Variants in XIRP2 observed in about 807,000 individuals in gnomAD.
XIRP2 encodes xin actin-binding repeat-containing protein 2.
Under a neutral mutation model 277.0 loss-of-function variants are expected in XIRP2, and 236 were observed. That is an observed-to-expected ratio of 0.85 (90% confidence interval 0.77 to 0.95). The LOEUF is 0.95. Among genes scored for constraint, XIRP2 ranks in the 40% least tolerant of loss-of-function variants. The pLI is 0.00. For synonymous variants in XIRP2, 1,490 were observed against 1,416.5 expected (o/e 1.05, Z -1.17); for missense variants, 4,640 against 4,157.5 (o/e 1.12, Z -3.19).
rs755538698 is a variant in XIRP2 at position 167,243,687 on chromosome 2, A to G, written c.2295A>G (p.Gly765=). 12 of 1,613,954 alleles carry G rather than the reference A, an allele frequency of 7.4e-6. No homozygotes were observed. Among genetic ancestry groups the G allele is most frequent in the East Asian group, 2.2e-5 (1 of 44,874 alleles). Residue 765 remains glycine (G), a synonymous_variant, in exon 9 of 11, where the codon GGA becomes GGG. Transcript: ENST00000409195. ...TTCACAGAGAAGACGTTGAAAAGGG[A>G]GATGTAAGAACAGCACGGTGGATGT... The part of the protein sequence containing the change: ...KTVHREDVEK[G]DVRTARWMFE...
intron 2 of XIRP2, among the ~76,000 whole-genome samples, chr2:167,034,541 A>G (rs1196853218): frequency 6.6e-6 from 1 of 152,074 alleles, no homozygotes; most frequent in African/African-American, 2.4e-5. Flanking sequence ...GTTGCCTTCA[A>G]GAAACATACT....
chr2:166,950,567 G>A (rs1032910134), intron 2 of XIRP2, among the ~76,000 whole-genome samples: 3 of 152,008 alleles, frequency 2.0e-5, no homozygotes, highest in Non-Finnish European at 4.4e-5. Flanking sequence ...AATCTAAATT[G>A]TATTAAAATA....
intron 3 of XIRP2, among the ~76,000 whole-genome samples, chr2:167,204,457 C>A (rs550224699): frequency 2.6e-4 from 39 of 152,250 alleles, no homozygotes; most frequent in African/African-American, 8.4e-4. Context: ...TGTCACAGAG[C>A]CTGGGGCCAG....
At chr2:167,095,286 C>T (rs1690268866) in intron 2 of XIRP2, among the ~76,000 whole-genome samples, 1 of 152,144 alleles carries the variant, frequency 6.6e-6, no homozygotes, top group South Asian at 2.1e-4. Flanking sequence ...TCCTCTCCTC[C>T]TATTTGAATA....
intron 2 of XIRP2, among the ~76,000 whole-genome samples, chr2:167,083,269 T>C (rs1235067601): frequency 1.3e-5 from 2 of 151,332 alleles, no homozygotes; most frequent in East Asian, 1.9e-4. Context: ...TGCGGCATTA[T>C]TTCTGAGGGC....
At chr2:167,029,645 AGGTATATT>A (rs2105501613) in intron 2 of XIRP2, among the ~76,000 whole-genome samples, 2 of 152,230 alleles carry the variant, frequency 1.3e-5, no homozygotes, top group South Asian at 4.1e-4. Context: ...GACGTTCATC[AGGTATATT>A]GGCGTGAAAT....
intron 1 of XIRP2, among the ~76,000 whole-genome samples, chr2:166,890,629 C>G (rs1684078131): frequency 6.6e-6 from 1 of 152,034 alleles, no homozygotes; most frequent in African/African-American, 2.4e-5. Flanking sequence ...TTCATGAGAG[C>G]AAATTTTGCA....
intron 9 of XIRP2, among the ~76,000 whole-genome samples, chr2:167,253,335 G>C (rs537583687): frequency 6.6e-6 from 1 of 151,828 alleles, no homozygotes; most frequent in Non-Finnish European, 1.5e-5. Context: ...AGCAAGAAAA[G>C]ATGTAGGAAA....
rs1695364791 is a variant in XIRP2 at position 167,248,673 on chromosome 2, C to G, written c.7281C>G (p.Pro2427=). ...TGCCACCTCCCACATTGCCCAAACC[C>G]AAACTTCCCAAGCATATAAAAGATA... ...GVLPPPTLPK[P]KLPKHIKDNK... Residue 2427 remains proline (P), a synonymous_variant, in exon 9 of 11, where the codon CCC becomes CCG. Transcript: ENST00000409195. 6.2e-7 allele frequency: 1 copy of G among 1,613,748 alleles called. No homozygotes were observed. Among genetic ancestry groups the G allele is most frequent in the Non-Finnish European group, 8.5e-7 (1 of 1,179,830 alleles).
chr2:167,212,741 A>G (rs1262389982), intron 4 of XIRP2, among the ~76,000 whole-genome samples: 1 of 152,226 alleles, frequency 6.6e-6, no homozygotes, highest in Non-Finnish European at 1.5e-5. Flanking sequence ...GGCCCCCAAA[A>G]TACATATTAT....
At chr2:167,205,460 C>T (rs1325506698) in intron 3 of XIRP2, among the ~76,000 whole-genome samples, 1 of 152,068 alleles carries the variant, frequency 6.6e-6, no homozygotes, top group Non-Finnish European at 1.5e-5. Flanking sequence ...CTATTATTTT[C>T]CCATAAAGGT....
intron 2 of XIRP2, among the ~76,000 whole-genome samples, chr2:166,996,575 C>T (rs956347596): frequency 2.0e-4 from 30 of 151,882 alleles, no homozygotes; most frequent in Non-Finnish European, 3.8e-4. Flanking sequence ...TTCAGTGAGC[C>T]GAAATCATGC....
In XIRP2 at chr2:167,249,026, T is replaced by C. The variant is rs1695380733; in HGVS notation, c.7634T>C (p.Met2545Thr). The C allele has an allele frequency of 1.2e-6, 2 of 1,611,592 alleles. No homozygotes were observed. The highest frequency in any genetic ancestry group is 2.7e-5 in the African/African-American group (2 of 74,562). ...PYMRKFKTPLMIAEEKYRQQK... is the reference protein window; with the variant it reads ...PYMRKFKTPLTIAEEKYRQQK... ...ATGAGAAAATTTAAGACACCTTTAATGATTGCTGAAGAAAAATATAGACAA... is the reference window on the plus strand; with the variant it reads ...ATGAGAAAATTTAAGACACCTTTAACGATTGCTGAAGAAAAATATAGACAA... Residue 2545 changes from methionine to threonine, a missense_variant, in exon 9 of 11, where the codon ATG (methionine) becomes ACG (threonine). Physicochemically the swap from Met to Thr is moderately conservative, Grantham distance 81. Coordinates refer to ENST00000409195, the MANE Select transcript of XIRP2 (RefSeq NM_152381.6).
chr2:166,966,024 TTATC>T lies in XIRP2; in HGVS notation c.408+62138_408+62141del, dbSNP rs150625313. Among the ~76,000 whole-genome samples the T allele has an allele frequency of 9.9e-5, 15 of 152,024 alleles. No homozygotes were observed. In the East Asian group the frequency reaches 1.9e-3, roughly 20 times the overall value. ...TAAAGTACAAATAAATAAATTGTGT[TTATC>T]TATTAATAACTTGAGTCAATGACAC... is the stretch of plus-strand genomic sequence containing the variant. On this transcript the variant is annotated intron_variant, in intron 2 of 10. Coordinates refer to ENST00000409195, the MANE Select transcript of XIRP2 (RefSeq NM_152381.6).
chr2:167,174,469 A>C (rs1242524672), intron 3 of XIRP2, among the ~76,000 whole-genome samples: 1 of 151,756 alleles, frequency 6.6e-6, no homozygotes, highest in Non-Finnish European at 1.5e-5. Flanking sequence ...GCTCCCCTTT[A>C]TTGTTTTTTA....
chr2:166,956,385 A>T (rs977499127), intron 2 of XIRP2, among the ~76,000 whole-genome samples: 2 of 151,814 alleles, frequency 1.3e-5, no homozygotes, highest in African/African-American at 2.4e-5. Flanking sequence ...GGTGTCATTT[A>T]ACTAAGTTGT....
intron 2 of XIRP2, among the ~76,000 whole-genome samples, chr2:167,086,272 C>A (rs1689940032): frequency 6.6e-6 from 1 of 152,056 alleles, no homozygotes; most frequent in Non-Finnish European, 1.5e-5. Context: ...ATATTGGCCC[C>A]CACTCTCTTC....
rs79364583 is a variant in XIRP2, at chr2:167,123,536, A to T, written c.409-12373A>T. On this transcript the variant is annotated intron_variant, in intron 2 of 10. Coordinates refer to ENST00000409195, the MANE Select transcript of XIRP2 (RefSeq NM_152381.6). Reference sequence around the variant, plus strand: ...TTGTTTTGTTTTGTTTTGCAGTTTTAGAGGTTAGAAGTCAAGATCAAGTTG... The same window carrying T: ...TTGTTTTGTTTTGTTTTGCAGTTTTTGAGGTTAGAAGTCAAGATCAAGTTG... Among the ~76,000 whole-genome samples the T allele has an allele frequency of 3.3e-3, 495 of 152,132 alleles. 24 individuals are homozygous for T. In the East Asian group the frequency reaches 0.084, roughly 26 times the overall value.
rs114240586 is a variant in XIRP2, at chr2:167,107,022, G to A, written c.409-28887G>A. Among the ~76,000 whole-genome samples the A allele has an allele frequency of 9.2e-3, 1,396 of 151,276 alleles. 21 individuals carry two copies. Among genetic ancestry groups the A allele is most frequent in the African/African-American group, 0.032 (1,331 of 41,342 alleles). On this transcript the variant is annotated intron_variant, in intron 2 of 10. Transcript: ENST00000409195. ...TATATTTATAATTTATATATATTGC[G>A]TGACCTTCCCAAACTCATTCTTTAG...
Sources: gnomAD v4.1 joint callset for allele counts (sites outside exome capture counted in the v4.1 genomes callset) on GRCh38, gnomAD v4.1.1 for gene constraint, MANE v1.5 for transcripts, NCBI Gene and HGNC (gene_info 2026-07-23, HGNC 2026-07-21) for gene names.